Variants in AKIRIN2 observed in about 807,000 individuals in gnomAD.
AKIRIN2 encodes akirin-2.
A neutral mutation model predicts 29.3 loss-of-function variants in AKIRIN2; 6 were observed. That is an observed-to-expected ratio of 0.20 (90% CI 0.11 to 0.40). The LOEUF is 0.40. Among genes scored for constraint, AKIRIN2 ranks in the 10% least tolerant of loss-of-function variants. The pLI, the probability that AKIRIN2 is intolerant of heterozygous loss-of-function variation, is 1.00. For synonymous variants in AKIRIN2, 128 were observed against 117.5 expected, an observed-to-expected ratio of 1.09 and a Z score of -0.58; for missense variants, 210 against 276.1, an observed-to-expected ratio of 0.76 and a Z score of 1.70.
At chr6:87,685,470 T>C (rs928292746) in intron 1 of AKIRIN2, among the ~76,000 whole-genome samples, 2 of 152,210 alleles carry the variant, frequency 1.3e-5, no homozygotes, top group African/African-American at 2.4e-5. Flanking sequence ...CCATCTCTTA[T>C]CATACCAGCA....
rs115667412 is a variant in AKIRIN2, at chr6:87,689,636, G to A, written c.236-7873C>T. The stretch of plus-strand genomic sequence containing the variant: ...AAAGTCAGACTTCTGACTACTCTTG[G>A]GAAAACCAGATAACACAGCAAAACT... On this transcript the variant is annotated intron_variant, in intron 1 of 4. Coordinates refer to ENST00000257787, the MANE Select transcript of AKIRIN2 (RefSeq NM_018064.4). Among the ~76,000 whole-genome samples, 885 of 152,210 alleles carry A rather than the reference G, an allele frequency of 5.8e-3. 7 individuals carry two copies. The highest frequency in any genetic ancestry group is 0.02 in the African/African-American group (826 of 41,508).
intron 1 of AKIRIN2, chr6:87,700,481 T>A (rs1402848001): frequency 6.6e-6 from 1 of 152,210 alleles, no homozygotes; most frequent in African/African-American, 2.4e-5. Context: ...CAAAAGCCTA[T>A]CCTAGGATTG....
intron 1 of AKIRIN2, 112 bp downstream of exon 1, chr6:87,701,338 G>A: frequency 2.5e-6 from 3 of 1,183,972 alleles, no homozygotes; most frequent in Non-Finnish European, 2.3e-6. Context: ...ACTTTGCTAA[G>A]AACAAGAACC....
intron 1 of AKIRIN2, among the ~76,000 whole-genome samples, chr6:87,684,783 G>A (rs940452884): frequency 6.6e-6 from 1 of 152,078 alleles, no homozygotes; most frequent in Non-Finnish European, 1.5e-5. Context: ...CCTGTTAATG[G>A]ACATTTAGGC....
At chr6:87,696,315 C>G (rs1771361857) in intron 1 of AKIRIN2, among the ~76,000 whole-genome samples, 1 of 152,144 alleles carries the variant, frequency 6.6e-6, no homozygotes, top group Admixed American at 6.5e-5. Flanking sequence ...TGAATAGTAC[C>G]TTCCACACCT....
chr6:87,694,301 A>G (rs1771325686), intron 1 of AKIRIN2, among the ~76,000 whole-genome samples: 1 of 152,258 alleles, frequency 6.6e-6, no homozygotes. Context: ...TTTAATCAGT[A>G]AACCAATTTC....
At chr6:87,676,519 C>T (rs745326077) in intron 3 of AKIRIN2, among the ~76,000 whole-genome samples, 124 of 135,306 alleles carry the variant, frequency 9.2e-4, no homozygotes, top group Non-Finnish European at 1.6e-3. Flanking sequence ...CACTTTGGGA[C>T]GCCGAGGCGG....
chr6:87,695,514 GCT>G (rs772530900), intron 1 of AKIRIN2, among the ~76,000 whole-genome samples: 2 of 152,180 alleles, frequency 1.3e-5, no homozygotes, highest in Non-Finnish European at 1.5e-5. Flanking sequence ...AGCAGGCGGT[GCT>G]CTCAAAGGCA....
chr6:87,678,274 G>A (rs1771058841), intron 2 of AKIRIN2, among the ~76,000 whole-genome samples: 1 of 152,180 alleles, frequency 6.6e-6, no homozygotes, highest in African/African-American at 2.4e-5. Flanking sequence ...GAGGTGGGCG[G>A]ATCACCTGAG....
chr6:87,676,596 A>AACACACACACACACACACACAC (rs112353955), intron 3 of AKIRIN2, among the ~76,000 whole-genome samples: 1,886 of 142,028 alleles, frequency 0.013, 13 homozygotes, highest in South Asian at 0.018. Context: ...CTCTACTAAA[A>AACACACACACACACACACACAC]ACACACACAC....
At chr6:87,694,270 A>G (rs1287074734) in intron 1 of AKIRIN2, among the ~76,000 whole-genome samples, 14 of 152,234 alleles carry the variant, frequency 9.2e-5, no homozygotes, top group Admixed American at 9.2e-4. Context: ...ACTTTAAGGA[A>G]AAAAACTGTT....
At chr6:87,684,338 C>A (rs1039329136) in intron 1 of AKIRIN2, among the ~76,000 whole-genome samples, 1 of 152,090 alleles carries the variant, frequency 6.6e-6, no homozygotes, top group African/African-American at 2.4e-5. Flanking sequence ...AAACTCCATA[C>A]CATCAGATAC....
intron 1 of AKIRIN2, among the ~76,000 whole-genome samples, chr6:87,699,075 A>G (rs1771417963): frequency 6.6e-6 from 1 of 152,228 alleles, no homozygotes; most frequent in Admixed American, 6.5e-5. Context: ...CAATTTGGTA[A>G]GCCACTGTCT....
chr6:87,683,400 T>G (rs1771145539), intron 1 of AKIRIN2, among the ~76,000 whole-genome samples: 1 of 152,248 alleles, frequency 6.6e-6, no homozygotes, highest in Non-Finnish European at 1.5e-5. Flanking sequence ...TTCCATTTAT[T>G]TGAACTACTT....
chr6:87,677,285 A>G (rs1475270592), intron 3 of AKIRIN2, among the ~76,000 whole-genome samples: 1 of 152,168 alleles, frequency 6.6e-6, no homozygotes, highest in East Asian at 1.9e-4. Context: ...TCTCTACATT[A>G]ACACCTCTAT....
intron 1 of AKIRIN2, among the ~76,000 whole-genome samples, chr6:87,690,465 C>T (rs77793151): frequency 0.031 from 4,780 of 152,182 alleles, 251 homozygotes; most frequent in African/African-American, 0.11. Flanking sequence ...TCAGACATAC[C>T]CCTCCTGTAG....
At chr6:87,687,778 G>A (rs1771211921) in intron 1 of AKIRIN2, among the ~76,000 whole-genome samples, 1 of 152,156 alleles carries the variant, frequency 6.6e-6, no homozygotes, top group Non-Finnish European at 1.5e-5. Context: ...TAACCTTGTT[G>A]CTATTGTTAT....
At chr6:87,680,707 C>T (rs998528962) in intron 2 of AKIRIN2, among the ~76,000 whole-genome samples, 4 of 151,580 alleles carry the variant, frequency 2.6e-5, no homozygotes, top group Admixed American at 6.6e-5. Flanking sequence ...CTATTGATGG[C>T]TCTCTCTCAG....
At position 87,701,388 on chromosome 6, in the gene AKIRIN2, A is replaced by G. The variant is rs1162660393; in HGVS notation, c.235+62T>C. Reference sequence around the variant, plus strand: ...CCCCACCCCAGGGGCCGCATCCCACACCCCAGGACCCCTGTTCCCAGTTCT... The same window carrying G: ...CCCCACCCCAGGGGCCGCATCCCACGCCCCAGGACCCCTGTTCCCAGTTCT... On this transcript the variant is annotated intron_variant, in intron 1 of 4. Coordinates refer to ENST00000257787, the MANE Select transcript of AKIRIN2 (RefSeq NM_018064.4). 2.0e-6 allele frequency: 3 copies of G among 1,478,056 alleles called. No individual in the cohort carries two copies. In the African/African-American group the frequency reaches 4.5e-5, roughly 22 times the overall value. The allele number at this position is 1,478,056 out of a possible 1,614,324, so 91.6% of individuals were successfully genotyped here. A position where few individuals can be genotyped will look rare whatever the true frequency, so the allele number is the denominator to read the frequency against.
Sources: gnomAD v4.1 joint callset for allele counts (sites outside exome capture counted in the v4.1 genomes callset) on GRCh38, gnomAD v4.1.1 for gene constraint, MANE v1.5 for transcripts, NCBI Gene and HGNC (gene_info 2026-07-23, HGNC 2026-07-21) for gene names.